Variants in FOCAD observed in about 807,000 individuals in gnomAD.
FOCAD encodes KIAA1797.
A neutral mutation model predicts 225.6 loss-of-function variants in FOCAD; 198 were observed. That is an observed-to-expected ratio of 0.88 (90% confidence interval 0.78 to 0.99). FOCAD has a LOEUF of 0.99. FOCAD is among the 50% of genes least tolerant of loss of function. FOCAD has a pLI of 0.00. For missense variants in FOCAD, 2,713 were observed against 2,123.6 expected, an observed-to-expected ratio of 1.28 and a Z score of -5.46; for synonymous variants, 897 against 755.0, an observed-to-expected ratio of 1.19 and a Z score of -3.08.
chr9:20,923,610 T>C, intron 24 of FOCAD, 50 bp from the exon 25 acceptor site: 1 of 1,437,634 alleles, frequency 7.0e-7, no homozygotes, highest in Non-Finnish European at 9.7e-7. Context: ...CTTTCTCTTC[T>C]TCTGGTTAAT....
intron 11 of FOCAD, among the ~76,000 whole-genome samples, chr9:20,815,129 TTTTTTTTG>T (rs1474498600): frequency 0.013 from 1,090 of 86,854 alleles, 68 homozygotes; most frequent in Non-Finnish European, 0.016. Flanking sequence ...CTTTGTTTTT[TTTTTTTTG>T]TTTTTTTTTT....
At chr9:20,985,647 C>T (rs1232223594) in intron 39 of FOCAD, among the ~76,000 whole-genome samples, 2 of 152,136 alleles carry the variant, frequency 1.3e-5, no homozygotes, top group Non-Finnish European at 2.9e-5. Context: ...TTGAGACCAC[C>T]ATCATACCTG....
At chr9:20,683,543 T>G (rs1478952105), upstream of FOCAD, 2 of 152,136 alleles carry the variant, frequency 1.3e-5, 1 homozygote, top group Admixed American at 1.3e-4. Flanking sequence ...TGGGAGCCCC[T>G]GCCCCGCCCC....
Position 20,814,250 on chromosome 9 carries a change from T to C in FOCAD, c.1456-5546T>C, listed in dbSNP as rs571019118. ...TTGTTAATTGCTTTTGTCTGTCTTA[T>C]AGCATTTTTTTGGTCCCTTGTTTCT... On this transcript the variant is annotated intron_variant, in intron 11 of 43. Transcript: ENST00000338382. Among the ~76,000 whole-genome samples, 7 of 152,308 alleles carry C rather than the reference T, an allele frequency of 4.6e-5. No individual in the cohort carries two copies. In the South Asian group the frequency reaches 6.2e-4, roughly 14 times the overall value.
rs770579182 is a variant in FOCAD, at chr9:20,874,733, A to G, written c.2243A>G (p.Glu748Gly). Residue 748 changes from glutamate (E) to glycine (G), a missense_variant, in exon 19 of 44, where the codon GAG becomes GGG. Physicochemically the swap from Glu to Gly is moderately conservative, Grantham distance 98 (BLOSUM62 -2). Transcript: ENST00000338382. Reference protein sequence around the residue: ...PEELDDDEDVEDVDLSVPGSC... With the variant: ...PEELDDDEDVGDVDLSVPGSC... ...GAGTTAGATGACGATGAAGATGTTG[A>G]GGATGTGGATCTTTCAGTTCCTGGC... is the stretch of plus-strand genomic sequence containing the variant. 2 of 1,613,662 alleles carry G rather than the reference A, an allele frequency of 1.2e-6. No individual in the cohort carries two copies. Among genetic ancestry groups the G allele is most frequent in the South Asian group, 2.2e-5 (2 of 91,064 alleles).
At chr9:20,659,316 A>G (rs1333974295) in intron 2 of FOCAD, among the ~76,000 whole-genome samples, 1 of 151,186 alleles carries the variant, frequency 6.6e-6, no homozygotes, top group African/African-American at 2.4e-5. Flanking sequence ...CTGAGGCATG[A>G]GAATCGCCTG....
intron 23 of FOCAD, among the ~76,000 whole-genome samples, chr9:20,915,740 T>C (rs1333556778): frequency 6.6e-6 from 1 of 152,122 alleles, no homozygotes; most frequent in African/African-American, 2.4e-5. Context: ...TATGTTCACA[T>C]GCTAAGGGAA....
intron 4 of FOCAD, among the ~76,000 whole-genome samples, chr9:20,724,309 TAGA>T (rs1158350520): frequency 6.6e-6 from 1 of 152,212 alleles, no homozygotes; most frequent in East Asian, 1.9e-4. Context: ...TCTTTTACAA[TAGA>T]TAGTGTTTCA....
chr9:20,917,007 C>A, intron 24 of FOCAD, 70 bp downstream of exon 24: 1 of 1,254,178 alleles, frequency 8.0e-7, no homozygotes, highest in Non-Finnish European at 1.1e-6. Flanking sequence ...CATACATTTT[C>A]TCCTTTTAGG....
rs1366402523 is a variant in FOCAD, at chr9:20,789,677, G to C, written c.1455+69G>C. 4 of 1,560,592 alleles carry C rather than the reference G, an allele frequency of 2.6e-6. No homozygotes were observed. In the African/African-American group the frequency reaches 5.5e-5, roughly 21 times the overall value. ...ATCATTGGAAATGTAGATTATTCCTGCTTTGTGGATTATTTGCATCAGAGT... is the reference window on the plus strand; with the variant it reads ...ATCATTGGAAATGTAGATTATTCCTCCTTTGTGGATTATTTGCATCAGAGT... On this transcript the variant is annotated intron_variant, in intron 11 of 43. Transcript: ENST00000338382.
rs551117558 is a variant in FOCAD at position 20,785,303 on chromosome 9, G to T, written c.1197+3374G>T. On this transcript the variant is annotated intron_variant, in intron 10 of 43. Coordinates refer to ENST00000338382, the MANE Select transcript of FOCAD (RefSeq NM_001375567.1). ...CAATTCAGTGGCTTTTAGTATATTC[G>T]CAGCATTGTATATTCATTACCACAA... is the stretch of plus-strand genomic sequence containing the variant. Among the ~76,000 whole-genome samples the T allele has an allele frequency of 4.0e-5, 6 of 151,884 alleles. No homozygotes were observed. The South Asian group carries it at 1.2e-3, about 32-fold the overall frequency.
In FOCAD at chr9:20,819,857, A is replaced by C. The variant is rs763652825; in HGVS notation, c.1517A>C (p.Tyr506Ser). 6.5e-7 allele frequency: 1 copy of C among 1,549,268 alleles called. No homozygotes were observed. Among genetic ancestry groups the C allele is most frequent in the South Asian group, 1.3e-5 (1 of 77,184 alleles). ...GGAAGACCACTGGAACCTATATTAT[A>C]TAATGATATATTGTATACTTTACCT... ...KLGRPLEPIL[Y>S]NDILYTLPKL... The change falls in exon 12 of 44, where the codon TAT (tyrosine) becomes TCT (serine). Residue 506 changes from tyrosine (Y) to serine (S), a missense_variant. Physicochemically the swap from Tyr to Ser is moderately radical, Grantham distance 144. Coordinates refer to ENST00000338382, the MANE Select transcript of FOCAD (RefSeq NM_001375567.1).
In FOCAD at chr9:20,822,998, A is replaced by G. The variant is rs1824489296; in HGVS notation, c.1803A>G (p.Gln601=). Residue 601 remains glutamine (Q), a synonymous_variant, in exon 15 of 44, where the codon CAA becomes CAG. Transcript: ENST00000338382. ...IRDICKQRPY[Q]HGADMLAAIS... Reference sequence around the variant, plus strand: ...CTTTCATTTCTTGTAGGCCATATCAACATGGTGCAGATATGTTGGCAGCTA... The same window carrying G: ...CTTTCATTTCTTGTAGGCCATATCAGCATGGTGCAGATATGTTGGCAGCTA... 6.3e-7 allele frequency: 1 copy of G among 1,597,720 alleles called. No individual in the cohort carries two copies. The highest frequency in any genetic ancestry group is 1.7e-4 in the Middle Eastern group (1 of 5,998).
chr9:20,781,737 CCT>C lies in FOCAD; in HGVS notation c.1010_1011del (p.Ser337CysfsTer3). 3 of 1,613,530 alleles carry C rather than the reference CCT, an allele frequency of 1.9e-6. No individual in the cohort carries two copies. Among genetic ancestry groups the C allele is most frequent in the Non-Finnish European group, 2.5e-6 (3 of 1,179,900 alleles). On this transcript the variant is annotated frameshift_variant, in exon 10 of 44. Transcript: ENST00000338382. LOFTEE classifies it high-confidence loss of function. ...TGTTTTGATGAATAGCTTTGAAGCT[CCT>C]CTCTGTTACTGAGGATCAGAAAATC... Reference protein sequence around the residue: ...KPILNLALKLLSVTEDQKIPK... With the variant: ...KPILNLALKLXSVTEDQKIPK...
At chr9:20,845,326 C>T (rs1391848747) in intron 15 of FOCAD, among the ~76,000 whole-genome samples, 1 of 151,514 alleles carries the variant, frequency 6.6e-6, no homozygotes, top group African/African-American at 2.4e-5. Context: ...TAATTTCATG[C>T]ATTTTTCTGA....
At chr9:20,966,779 C>T (rs1042870901) in intron 35 of FOCAD, among the ~76,000 whole-genome samples, 1 of 151,856 alleles carries the variant, frequency 6.6e-6, no homozygotes, top group Non-Finnish European at 1.5e-5. Flanking sequence ...TCATTCTTTC[C>T]CCCATTGAAG....
chr9:20,875,627 C>T (rs950485469), intron 19 of FOCAD: 3 of 150,690 alleles, frequency 2.0e-5, no homozygotes, highest in Admixed American at 6.6e-5. Context: ...TATTCTAATG[C>T]TTATATGTGG....
chr9:20,854,648 A>G (rs570152965), intron 15 of FOCAD, among the ~76,000 whole-genome samples: 2 of 151,798 alleles, frequency 1.3e-5, no homozygotes, highest in South Asian at 2.1e-4. Context: ...GAAGAATGAC[A>G]TGGGAAAAGT....
At chr9:20,725,768 G>C (rs907972935) in intron 4 of FOCAD, among the ~76,000 whole-genome samples, 2 of 152,166 alleles carry the variant, frequency 1.3e-5, no homozygotes, top group African/African-American at 4.8e-5. Context: ...GCAATGATCT[G>C]GTTGTCTAAA....
Sources: allele counts gnomAD v4.1 joint callset (sites outside exome capture counted in the v4.1 genomes callset), GRCh38; gene constraint gnomAD v4.1.1; transcripts MANE v1.5; gene names NCBI Gene and HGNC (gene_info 2026-07-23, HGNC 2026-07-21).